AKT2: variants seen among roughly 807,000 people sequenced by gnomAD.
AKT2 encodes the protein AKT serine/threonine kinase 2.
A neutral mutation model predicts 58.6 loss-of-function variants in AKT2; 16 were observed. The observed-to-expected ratio is 0.27, with a 90% CI of 0.18 to 0.41. AKT2 has a LOEUF of 0.41. Among genes scored for constraint, AKT2 ranks in the 10% least tolerant of loss-of-function variants. The pLI, the probability that AKT2 is intolerant of heterozygous loss-of-function variation, is 1.00. For synonymous variants in AKT2, 253 were observed against 254.0 expected (o/e 1.00, Z 0.04); for missense variants, 438 against 661.0 (o/e 0.66, Z 3.70).
intron 4 of AKT2, among the ~76,000 whole-genome samples, chr19:40,251,811 TC>T (rs1975175962): frequency 6.6e-6 from 1 of 152,180 alleles, no homozygotes; most frequent in Non-Finnish European, 1.5e-5. Context: ...TAGGAGAAAG[TC>T]CTTATTCTTA....
At chr19:40,253,776 G>C (rs759867201) in intron 4 of AKT2, among the ~76,000 whole-genome samples, 1 of 151,924 alleles carries the variant, frequency 6.6e-6, no homozygotes, top group Non-Finnish European at 1.5e-5. Context: ...TCCTTATAAT[G>C]AGCCAAAGGC....
At chr19:40,263,954 T>C (rs1976153623) in intron 2 of AKT2, among the ~76,000 whole-genome samples, 1 of 152,192 alleles carries the variant, frequency 6.6e-6, no homozygotes, top group Non-Finnish European at 1.5e-5. Flanking sequence ...GCCTGCCTCA[T>C]GCCCTCCCAT....
chr19:40,237,853 T>C lies in AKT2; in HGVS notation c.831+116A>G. On this transcript the variant is annotated intron_variant, in intron 9 of 13. Transcript: ENST00000392038. The surrounding 1 kb of genome is among the most constrained non-coding windows in gnomAD (Gnocchi z 4.5). Reference sequence around the variant, plus strand: ...TGGCGAATGAGGGCAGCCACCACCCTGGACCTTGGTGGGGAGCCTGGCGAA... The same window carrying C: ...TGGCGAATGAGGGCAGCCACCACCCCGGACCTTGGTGGGGAGCCTGGCGAA... 1 of 1,473,224 alleles carries C rather than the reference T, an allele frequency of 6.8e-7. No homozygotes were observed. The highest frequency in any genetic ancestry group is 2.5e-5 in the East Asian group (1 of 40,700). 91.3% of individuals were successfully genotyped at this position (1,473,224 alleles called of 1,614,324 possible). A position where few individuals can be genotyped will look rare whatever the true frequency, so the allele number is the denominator to read the frequency against.
rs1053888542 is a variant in AKT2 at position 40,230,725 on chromosome 19, T to A, written c.*3147A>T. 9.7e-5 allele frequency: 20 copies of A among 207,156 alleles called. No homozygotes were observed. Among genetic ancestry groups the A allele is most frequent in the East Asian group, 3.6e-4 (5 of 13,824 alleles). The allele number at this position is 207,156 out of a possible 1,614,324, so 12.8% of individuals were successfully genotyped here. A position where few individuals can be genotyped will look rare whatever the true frequency, so the allele number is the denominator to read the frequency against. ...TAATAGCATGTATCATGTTTTTTTTTTTTTTATTTTTAGAGACACAGTCTC... is the reference window on the plus strand; with the variant it reads ...TAATAGCATGTATCATGTTTTTTTTATTTTTATTTTTAGAGACACAGTCTC... On this transcript the variant is annotated 3_prime_UTR_variant, in exon 14 of 14. Transcript: ENST00000392038.
At chr19:40,272,667 T>C (rs1443732571) in intron 1 of AKT2, among the ~76,000 whole-genome samples, 7 of 152,174 alleles carry the variant, frequency 4.6e-5, no homozygotes, top group Admixed American at 4.6e-4. Context: ...GAAAAGCAGT[T>C]ATATGATCAA....
Position 40,242,468 on chromosome 19 carries a change from A to G in AKT2, c.441+66T>C. ...GAACTGTGTTATGGAAACCAAGGAG[A>G]GCAGGCCAGCACTGGGGGTGGGGGC... On this transcript the variant is annotated intron_variant, in intron 5 of 13. Transcript: ENST00000392038. The surrounding 1 kb of genome is among the most constrained non-coding windows in gnomAD (Gnocchi z 4.3). 1.2e-6 allele frequency: 2 copies of G among 1,602,908 alleles called. No individual in the cohort carries two copies. The highest frequency in any genetic ancestry group is 1.7e-6 in the Non-Finnish European group (2 of 1,174,630).
intron 10 of AKT2, 41 bp from the exon 11 acceptor site, chr19:40,236,145 G>C: frequency 6.2e-7 from 1 of 1,613,492 alleles, no homozygotes; most frequent in Non-Finnish European, 8.5e-7. Context: ...CCGTGGCCCT[G>C]AGGCTGGCAT....
intron 2 of AKT2, among the ~76,000 whole-genome samples, chr19:40,262,301 C>A (rs956030935): frequency 6.6e-6 from 1 of 151,886 alleles, no homozygotes; most frequent in African/African-American, 2.4e-5. Flanking sequence ...CAATTGTATT[C>A]CTATTTTGCG....
intron 4 of AKT2, among the ~76,000 whole-genome samples, chr19:40,254,304 G>A (rs1463679203): frequency 1.3e-5 from 2 of 152,108 alleles, no homozygotes; most frequent in African/African-American, 2.4e-5. Flanking sequence ...GGCCGAGGGA[G>A]ATCACCTAAG....
At chr19:40,248,709 A>T (rs1974918291) in intron 4 of AKT2, among the ~76,000 whole-genome samples, 1 of 152,246 alleles carries the variant, frequency 6.6e-6, no homozygotes, top group Non-Finnish European at 1.5e-5. Flanking sequence ...TGGAGCCAAC[A>T]GAGAGGAGTG....
At chr19:40,243,016 C>T (rs754445679) in intron 4 of AKT2, 21 of 345,122 alleles carry the variant, frequency 6.1e-5, no homozygotes, top group East Asian at 2.1e-4. Flanking sequence ...GGGTGGCATT[C>T]GCCTAATCCC....
At chr19:40,258,869 T>C (rs112628783) in intron 2 of AKT2, among the ~76,000 whole-genome samples, 5 of 152,148 alleles carry the variant, frequency 3.3e-5, no homozygotes, top group Admixed American at 1.3e-4. Flanking sequence ...CTATCAAAAT[T>C]CCAACAGGCT....
intron 1 of AKT2, among the ~76,000 whole-genome samples, chr19:40,283,609 A>G (rs912020168): frequency 6.6e-6 from 1 of 152,188 alleles, no homozygotes; most frequent in Admixed American, 6.5e-5. Context: ...CCAGACCCAG[A>G]GCAAAGGCTA....
chr19:40,278,721 T>G (rs2077370419), intron 1 of AKT2, among the ~76,000 whole-genome samples: 1 of 151,888 alleles, frequency 6.6e-6, no homozygotes, highest in African/African-American at 2.4e-5. Context: ...AGGAGTAGCA[T>G]CAGCCCAAAT....
At chr19:40,268,348 C>A (rs138590076) in intron 1 of AKT2, among the ~76,000 whole-genome samples, 2 of 152,198 alleles carry the variant, frequency 1.3e-5, no homozygotes, top group East Asian at 3.8e-4. Flanking sequence ...TACTGCCTGG[C>A]GCCCAGTGAA....
At chr19:40,252,646 G>A (rs1035283365) in intron 4 of AKT2, among the ~76,000 whole-genome samples, 2 of 152,198 alleles carry the variant, frequency 1.3e-5, no homozygotes, top group African/African-American at 4.8e-5. Flanking sequence ...CCAGCTTCGA[G>A]CGCCTCCACT....
chr19:40,253,018 C>A (rs1975276922), intron 4 of AKT2, among the ~76,000 whole-genome samples: 1 of 152,154 alleles, frequency 6.6e-6, no homozygotes, highest in African/African-American at 2.4e-5. Flanking sequence ...ATTATAGTAA[C>A]AAGTCTCATG....
chr19:40,285,182 T>G lies in AKT2; in HGVS notation c.-86A>C. On this transcript the variant is annotated splice_region_variant and 5_prime_UTR_variant, in exon 1 of 14. Transcript: ENST00000392038. ...GGGGACACGCGCTGGCGCACTCACC[T>G]GTCACCGGCAGCCGCCCAGCCTCTC... 2.5e-6 allele frequency: 1 copy of G among 393,546 alleles called. No individual in the cohort carries two copies. The allele number at this position is 393,546 out of a possible 1,614,324, so 24.4% of individuals were successfully genotyped here. A position where few individuals can be genotyped will look rare whatever the true frequency, so the allele number is the denominator to read the frequency against.
Position 40,242,316 on chromosome 19 carries a change from G to C in AKT2, c.441+218C>G. On this transcript the variant is annotated intron_variant, in intron 5 of 13. Transcript: ENST00000392038. This position sits in a 1 kb window ranked among gnomAD's most constrained non-coding sequence, Gnocchi z 4.3. ...TAGCCAGGTCTTCACCAACTCCCAG[G>C]ACGAACCTGCAGTGGGTCCACCCAA... 1 of 874,058 alleles carries C rather than the reference G, an allele frequency of 1.1e-6. No individual in the cohort carries two copies. The highest frequency in any genetic ancestry group is 1.8e-6 in the Non-Finnish European group (1 of 559,282). The allele number at this position is 874,058 out of a possible 1,614,324, so 54.1% of individuals were successfully genotyped here. A position where few individuals can be genotyped will look rare whatever the true frequency, so the allele number is the denominator to read the frequency against.
Sources: gnomAD v4.1 joint callset for allele counts (sites outside exome capture counted in the v4.1 genomes callset) on GRCh38, gnomAD v4.1.1 for gene constraint, Gnocchi (gnomAD v3.1) non-coding constraint, MANE v1.5 for transcripts, NCBI Gene and HGNC (gene_info 2026-07-23, HGNC 2026-07-21) for gene names.